The following SNX14 variants were observed in gnomAD, a reference collection of about 807,000 sequenced individuals.
The protein encoded by SNX14 is sorting nexin-14.
A neutral mutation model predicts 133.8 loss-of-function variants in SNX14; 93 were observed. The ratio of observed to expected loss-of-function variants is 0.70; its 90% CI spans 0.59 to 0.83. SNX14 has a LOEUF of 0.83. SNX14 is among the 40% of genes least tolerant of loss of function. The pLI is 0.00. For synonymous variants in SNX14, 368 were observed against 365.6 expected (o/e 1.01, Z -0.07); for missense variants, 945 against 1,094.9 (o/e 0.86, Z 1.93).
intron 7 of SNX14, among the ~76,000 whole-genome samples, chr6:85,550,835 A>T (rs967848203): frequency 6.6e-6 from 1 of 151,882 alleles, no homozygotes; most frequent in African/African-American, 2.4e-5. Context: ...CCAGGCTGGA[A>T]CGCAATGGCA....
At chr6:85,586,613 C>T (rs78393871) in intron 1 of SNX14, among the ~76,000 whole-genome samples, 1 of 152,116 alleles carries the variant, frequency 6.6e-6, no homozygotes, top group East Asian at 1.9e-4. Context: ...CATGGTCTTG[C>T]ACTGTCACCC....
chr6:85,571,276 C>T (rs1170006472), intron 4 of SNX14, among the ~76,000 whole-genome samples: 3 of 149,766 alleles, frequency 2.0e-5, no homozygotes, highest in Non-Finnish European at 4.4e-5. Context: ...AGGAGAATCG[C>T]TTGAACCCGG....
At chr6:85,570,055 C>T (rs1256023545) in intron 4 of SNX14, among the ~76,000 whole-genome samples, 1 of 152,124 alleles carries the variant, frequency 6.6e-6, no homozygotes, top group Non-Finnish European at 1.5e-5. Context: ...TTATGAACTT[C>T]TCCTCTATAC....
chr6:85,537,811 A>G (rs1562265953), intron 16 of SNX14, among the ~76,000 whole-genome samples: 1 of 152,106 alleles, frequency 6.6e-6, no homozygotes, highest in Non-Finnish European at 1.5e-5. Context: ...TAGCCGGGCG[A>G]GGTGGCAGGC....
intron 1 of SNX14, among the ~76,000 whole-genome samples, chr6:85,587,373 C>T (rs1801250176): frequency 6.6e-6 from 1 of 151,908 alleles, no homozygotes; most frequent in African/African-American, 2.4e-5. Context: ...ATACAAAACA[C>T]AGAATGAAAA....
chr6:85,561,880 T>C lies in SNX14; in HGVS notation c.549+3452A>G, dbSNP rs1791759890. On this transcript the variant is annotated intron_variant, in intron 6 of 28. Transcript: ENST00000314673. ...TTTTATGTTAGGTTCAGGAAGTACA[T>C]GTGCAGGCTCATTACATGAGTAAAC... is the stretch of plus-strand genomic sequence containing the variant. 1.3e-5 allele frequency among the ~76,000 whole-genome samples: 2 copies of C among 151,856 alleles called. 1 individual carries two copies. Among genetic ancestry groups the C allele is most frequent in the South Asian group, 4.2e-4 (2 of 4,804 alleles).
At chr6:85,523,772 A>G (rs1048503242) in intron 21 of SNX14, among the ~76,000 whole-genome samples, 4 of 152,234 alleles carry the variant, frequency 2.6e-5, no homozygotes, top group Non-Finnish European at 4.4e-5. Context: ...CCAAAAAAAA[A>G]AGATGTGTAG....
chr6:85,561,437 A>C (rs1353244164), intron 6 of SNX14: 1 of 152,218 alleles, frequency 6.6e-6, no homozygotes, highest in East Asian at 1.9e-4. Context: ...TGGCAATCAA[A>C]ATTAATTTTG....
intron 1 of SNX14, 99 bp downstream of exon 1, chr6:85,593,480 T>A: frequency 6.8e-7 from 1 of 1,462,234 alleles, no homozygotes; most frequent in Non-Finnish European, 9.1e-7. Context: ...TGGTCCCCAG[T>A]CCCGCAGCTA....
chr6:85,548,735 G>A (rs1432748665), intron 8 of SNX14, among the ~76,000 whole-genome samples: 2 of 152,208 alleles, frequency 1.3e-5, no homozygotes, highest in Non-Finnish European at 2.9e-5. Context: ...TTGGGTGGCC[G>A]AGGCAGGGGG....
At chr6:85,556,549 C>T (rs946837472) in intron 7 of SNX14, among the ~76,000 whole-genome samples, 2 of 149,668 alleles carry the variant, frequency 1.3e-5, no homozygotes, top group Admixed American at 1.3e-4. Flanking sequence ...CTGCCCACCA[C>T]AACCTCCGCC....
intron 20 of SNX14, among the ~76,000 whole-genome samples, chr6:85,526,556 T>C (rs1232418940): frequency 6.6e-6 from 1 of 152,208 alleles, no homozygotes; most frequent in Non-Finnish European, 1.5e-5. Flanking sequence ...TATTGTTATA[T>C]AAAGCATTTA....
intron 26 of SNX14, 89 bp downstream of exon 26, chr6:85,513,711 T>A: frequency 1.0e-6 from 1 of 955,290 alleles, no homozygotes; most frequent in Non-Finnish European, 1.6e-6. Flanking sequence ...AAACTCACAG[T>A]AAAAAATTAG....
At chr6:85,586,803 G>A (rs760593877) in intron 1 of SNX14, among the ~76,000 whole-genome samples, 5 of 151,924 alleles carry the variant, frequency 3.3e-5, no homozygotes, top group Admixed American at 6.6e-5. Context: ...TTGGGAGGCC[G>A]AGGTGGGCAG....
chr6:85,571,424 T>C (rs2128190721), intron 4 of SNX14, among the ~76,000 whole-genome samples: 1 of 151,574 alleles, frequency 6.6e-6, no homozygotes, highest in African/African-American at 2.4e-5. Flanking sequence ...TGGGCTTTTA[T>C]GCAGGATACA....
chr6:85,549,197 C>A (rs1016312807), intron 8 of SNX14, among the ~76,000 whole-genome samples: 1 of 151,664 alleles, frequency 6.6e-6, no homozygotes, highest in Non-Finnish European at 1.5e-5. Flanking sequence ...CTTTAAATAT[C>A]ACTAAAAATA....
At chr6:85,566,690 T>C (rs915654808) in intron 5 of SNX14, among the ~76,000 whole-genome samples, 1 of 149,544 alleles carries the variant, frequency 6.7e-6, no homozygotes, top group Non-Finnish European at 1.5e-5. Flanking sequence ...AGAGTAAGAC[T>C]CCATCTCAAA....
At position 85,576,796 on chromosome 6, in the gene SNX14, T is replaced by C. The variant is rs368441713; in HGVS notation, c.141-2418A>G. Among the ~76,000 whole-genome samples, 29 of 152,312 alleles carry C rather than the reference T, an allele frequency of 1.9e-4. No homozygotes were observed. In the South Asian group the frequency reaches 5.8e-3, roughly 30 times the overall value. ...TCCAAGGCTTGCCCTTTGTTAAACC[T>C]AGTGTGAGCTGAGTTTCTGTTATCT... is the stretch of plus-strand genomic sequence containing the variant. On this transcript the variant is annotated intron_variant, in intron 1 of 28. Coordinates refer to ENST00000314673, the MANE Select transcript of SNX14 (RefSeq NM_153816.6).
intron 26 of SNX14, among the ~76,000 whole-genome samples, chr6:85,509,778 T>C (rs1482284111): frequency 6.6e-6 from 1 of 152,126 alleles, no homozygotes; most frequent in East Asian, 1.9e-4. Context: ...CATTATAGAG[T>C]AGTTTCACTG....
Sources: allele counts gnomAD v4.1 joint callset (sites outside exome capture counted in the v4.1 genomes callset), GRCh38; gene constraint gnomAD v4.1.1; transcripts MANE v1.5; gene names NCBI Gene and HGNC (gene_info 2026-07-23, HGNC 2026-07-21).